The following NBR1 variants were observed in gnomAD, a reference collection of about 807,000 sequenced individuals.
The protein encoded by NBR1 is next to BRCA1 gene 1 protein.
In NBR1, 59 loss-of-function variants were observed where a neutral mutation model predicts 115.5. The ratio of observed to expected loss-of-function variants is 0.51; its 90% confidence interval spans 0.41 to 0.63. The LOEUF (loss-of-function observed/expected upper bound fraction) is 0.63. NBR1 is among the 30% of genes least tolerant of loss of function. The pLI, the probability that NBR1 is intolerant of heterozygous loss-of-function variation, is 0.00. For synonymous variants in NBR1, 373 were observed against 414.7 expected, an observed-to-expected ratio of 0.90 and a Z score of 1.22; for missense variants, 1,043 against 1,150.5, an observed-to-expected ratio of 0.91 and a Z score of 1.35.
At position 43,190,759 on chromosome 17, in the gene NBR1, T is replaced by A. The variant is rs2056926592; in HGVS notation, c.846T>A (p.Ala282=). 3 of 1,605,950 alleles carry A rather than the reference T, an allele frequency of 1.9e-6. No individual in the cohort carries two copies. Among genetic ancestry groups the A allele is most frequent in the Non-Finnish European group, 2.6e-6 (3 of 1,174,760 alleles). Residue 282 remains alanine (A), a synonymous_variant, in exon 9 of 21, where the codon GCT becomes GCA. Coordinates refer to ENST00000590996, the MANE Select transcript of NBR1 (RefSeq NM_005899.5). ...AGTACTCTACTCCTCGTCTTCCTGCTGCTCTGGAACAAGTCAGGTAAAACC... is the reference window on the plus strand; with the variant it reads ...AGTACTCTACTCCTCGTCTTCCTGCAGCTCTGGAACAAGTCAGGTAAAACC... ...HSKYSTPRLP[A]ALEQVRLQKQ...
chr17:43,205,217 G>C (rs1197448023), intron 20 of NBR1, among the ~76,000 whole-genome samples: 1 of 152,108 alleles, frequency 6.6e-6, no homozygotes, highest in East Asian at 1.9e-4. Flanking sequence ...AGCCAGGCAT[G>C]GTGATGTGTG....
intron 2 of NBR1, 40 bp downstream of exon 2, chr17:43,175,941 T>C (rs1343465559): frequency 8.5e-7 from 1 of 1,177,202 alleles, no homozygotes. Flanking sequence ...GGTTTAAGCA[T>C]GGTTATTTTT....
chr17:43,175,419 C>G lies in NBR1; in HGVS notation c.-9-372C>G, dbSNP rs77601703. 1.8e-3 allele frequency among the ~76,000 whole-genome samples: 275 copies of G among 152,240 alleles called. 1 individual carries two copies. The highest frequency in any genetic ancestry group is 3.7e-3 in the Admixed American group (56 of 15,288). On this transcript the variant is annotated intron_variant, in intron 1 of 20. Transcript: ENST00000590996. ...TAGTTAACCAGTCATCATAAAGTACCGTAAGGATTTTACAAATGCTAGATG... is the reference window on the plus strand; with the variant it reads ...TAGTTAACCAGTCATCATAAAGTACGGTAAGGATTTTACAAATGCTAGATG...
At chr17:43,209,567 G>A (rs577399508) in intron 20 of NBR1, 3 of 1,534,756 alleles carry the variant, frequency 2.0e-6, no homozygotes, top group Non-Finnish European at 2.6e-6. Context: ...GGTCTCTGGG[G>A]CTTGCTGTCA....
At chr17:43,181,629 G>A (rs1182791578) in intron 5 of NBR1, among the ~76,000 whole-genome samples, 1 of 152,070 alleles carries the variant, frequency 6.6e-6, no homozygotes, top group Non-Finnish European at 1.5e-5. Flanking sequence ...TCGTGCCACT[G>A]CACTCCAGCC....
At chr17:43,207,537 C>A (rs967801953) in intron 20 of NBR1, among the ~76,000 whole-genome samples, 3 of 152,190 alleles carry the variant, frequency 2.0e-5, no homozygotes, top group East Asian at 3.9e-4. Flanking sequence ...TTTTAAAAAT[C>A]TTTTTGAAGA....
intron 5 of NBR1, among the ~76,000 whole-genome samples, chr17:43,185,896 G>A (rs888081948): frequency 3.9e-5 from 6 of 152,048 alleles, no homozygotes; most frequent in African/African-American, 1.5e-4. Context: ...AGCTACTTGG[G>A]AGGCTTAGGC....
At position 43,202,720 on chromosome 17, in the gene NBR1, C is replaced by A; in HGVS notation, c.2621+8C>A. On this transcript the variant is annotated splice_region_variant and intron_variant, in intron 19 of 20. Transcript: ENST00000590996. The stretch of plus-strand genomic sequence containing the variant: ...GAGCTATGACCACTCAAGGTAACAA[C>A]CTTGTGCAGTCTCTTTTTTCAGAAG... The A allele has an allele frequency of 6.4e-7, 1 of 1,564,484 alleles. No individual in the cohort carries two copies. Among genetic ancestry groups the A allele is most frequent in the South Asian group, 1.2e-5 (1 of 84,976 alleles).
At chr17:43,180,765 T>C in intron 4 of NBR1, 30 bp from the exon 5 acceptor site, 1 of 1,446,026 alleles carries the variant, frequency 6.9e-7, no homozygotes, top group Admixed American at 2.7e-5. Context: ...TGTGAAGAAG[T>C]ATCATGGTGT....
intron 5 of NBR1, among the ~76,000 whole-genome samples, chr17:43,185,042 T>A (rs1481558513): frequency 6.6e-6 from 1 of 151,168 alleles, no homozygotes; most frequent in African/African-American, 2.4e-5. Flanking sequence ...TGAGCCGAGA[T>A]TGCATCACTG....
chr17:43,201,979 ACCAG>A (rs1032983848), intron 18 of NBR1, among the ~76,000 whole-genome samples, 199 bp downstream of exon 18: 2 of 151,970 alleles, frequency 1.3e-5, no homozygotes, highest in African/African-American at 4.8e-5. Context: ...GGAGTTCGAG[ACCAG>A]CCTGGCCAAC....
At position 43,172,057 on chromosome 17, in the gene NBR1, GA is replaced by G. The variant is rs539119419; in HGVS notation, c.-10+764del. 8.7e-3 allele frequency among the ~76,000 whole-genome samples: 1,311 copies of G among 151,014 alleles called. 6 individuals are homozygous for G. Among genetic ancestry groups the G allele is most frequent in the South Asian group, 0.029 (138 of 4,728 alleles). ...TCATTAAAGGGATTTTGTTGAGGCT[GA>G]AAAAAAAATCGACGTGGAGGAAAAG... On this transcript the variant is annotated intron_variant, in intron 1 of 20. Coordinates refer to ENST00000590996, the MANE Select transcript of NBR1 (RefSeq NM_005899.5).
intron 4 of NBR1, among the ~76,000 whole-genome samples, 171 bp from the exon 5 acceptor site, chr17:43,180,624 T>C (rs1597970411): frequency 6.6e-6 from 1 of 152,236 alleles, no homozygotes; most frequent in South Asian, 2.1e-4. Flanking sequence ...AACTATAATA[T>C]GTTCCTCATG....
intron 5 of NBR1, among the ~76,000 whole-genome samples, chr17:43,185,299 C>T (rs1019329089): frequency 5.9e-5 from 9 of 152,198 alleles, no homozygotes; most frequent in Non-Finnish European, 1.2e-4. Flanking sequence ...AGCCAACAGG[C>T]ATAGTGACCC....
chr17:43,199,833 A>G (rs1295859439), intron 16 of NBR1, among the ~76,000 whole-genome samples: 1 of 152,204 alleles, frequency 6.6e-6, no homozygotes, highest in Non-Finnish European at 1.5e-5. Context: ...CTGTTAGTGT[A>G]TCAGTTTTGG....
chr17:43,200,692 T>C (rs982759649), intron 17 of NBR1, 84 bp downstream of exon 17: 3 of 1,237,038 alleles, frequency 2.4e-6, no homozygotes, highest in African/African-American at 3.0e-5. Flanking sequence ...AACCTGTTTT[T>C]TCCTCAGTAT....
Position 43,189,578 on chromosome 17 carries a change from C to T in NBR1, c.481-10C>T. The stretch of plus-strand genomic sequence containing the variant: ...TGAGTTTTTTCCCTACCTTCTGCTC[C>T]ATATTCTAGTTCAGAGAACAAGTGG... On this transcript the variant is annotated splice_polypyrimidine_tract_variant and intron_variant, in intron 7 of 20. Coordinates refer to ENST00000590996, the MANE Select transcript of NBR1 (RefSeq NM_005899.5). 1 of 1,607,298 alleles carries T rather than the reference C, an allele frequency of 6.2e-7. No homozygotes were observed. The highest frequency in any genetic ancestry group is 1.1e-5 in the South Asian group (1 of 90,944).
Position 43,191,403 on chromosome 17 carries a change from A to G in NBR1, c.895A>G (p.Lys299Glu), listed in dbSNP as rs2056942622. ...GAAACAGGTTGATAAGAACTTTCTTAAAGCAGAAAAGCAAAGGTTGCGAGC... is the reference window on the plus strand; with the variant it reads ...GAAACAGGTTGATAAGAACTTTCTTGAAGCAGAAAAGCAAAGGTTGCGAGC... ...LQKQVDKNFLKAEKQRLRAEK... is the reference protein window; with the variant it reads ...LQKQVDKNFLEAEKQRLRAEK... The change falls in exon 10 of 21, where the codon AAA becomes GAA. Residue 299 changes from lysine to glutamate, a missense_variant. Transcript: ENST00000590996. 1.9e-6 allele frequency: 3 copies of G among 1,613,340 alleles called. No homozygotes were observed. Among genetic ancestry groups the G allele is most frequent in the Non-Finnish European group, 2.5e-6 (3 of 1,179,520 alleles).
chr17:43,193,336 T>C lies in NBR1; in HGVS notation c.1234-12T>C. ...TGACAAGCTTGCTTTCTCTTCTTAC[T>C]GTTCTTTTCAGCTCAAGTTCATGTG... On this transcript the variant is annotated splice_polypyrimidine_tract_variant and intron_variant, in intron 11 of 20. Coordinates refer to ENST00000590996, the MANE Select transcript of NBR1 (RefSeq NM_005899.5). The C allele has an allele frequency of 6.2e-7, 1 of 1,612,950 alleles. No homozygotes were observed. The highest frequency in any genetic ancestry group is 1.1e-5 in the South Asian group (1 of 91,072).
Sources: gnomAD v4.1 joint callset for allele counts (sites outside exome capture counted in the v4.1 genomes callset) on GRCh38, gnomAD v4.1.1 for gene constraint, MANE v1.5 for transcripts, NCBI Gene and HGNC (gene_info 2026-07-23, HGNC 2026-07-21) for gene names.